Variants in SOBP observed in about 807,000 individuals in gnomAD.
SOBP encodes sine oculis-binding protein homolog.
Under a neutral mutation model 53.6 loss-of-function variants are expected in SOBP, and 4 were observed. The observed-to-expected ratio is 0.07, with a 90% confidence interval of 0.04 to 0.17. SOBP has a LOEUF of 0.17. Among genes scored for constraint, SOBP ranks in the 10% least tolerant of loss-of-function variants. The pLI is 1.00. For synonymous variants in SOBP, 584 were observed against 522.6 expected (o/e 1.12, Z -1.60); for missense variants, 1,088 against 1,204.7 (o/e 0.90, Z 1.43).
intron 4 of SOBP, among the ~76,000 whole-genome samples, chr6:107,568,722 G>A (rs1016985866): frequency 6.6e-6 from 1 of 152,178 alleles, no homozygotes; most frequent in Non-Finnish European, 1.5e-5. Flanking sequence ...CTCTAACCCT[G>A]TATCTTATGA....
At position 107,503,885 on chromosome 6, in the gene SOBP, T is replaced by A. The variant is rs1782908389; in HGVS notation, c.235+90T>A. The stretch of plus-strand genomic sequence containing the variant: ...TGAGTTGCTTTGGGACTCAATTGAG[T>A]TGCTTTGTTGATTATGCCAATGGTT... On this transcript the variant is annotated intron_variant, in intron 2 of 6. Transcript: ENST00000317357. 3.4e-6 allele frequency: 5 copies of A among 1,475,422 alleles called. No individual in the cohort carries two copies. The East Asian group carries it at 1.1e-4, about 33-fold the overall frequency. 91.4% of individuals were successfully genotyped at this position (1,475,422 alleles called of 1,614,324 possible).
chr6:107,585,060 A>G (rs185651900), intron 4 of SOBP, among the ~76,000 whole-genome samples: 197 of 152,350 alleles, frequency 1.3e-3, no homozygotes, highest in African/African-American at 4.5e-3. Context: ...TATATATCAT[A>G]GTGCATCAGG....
chr6:107,606,666 G>A (rs1021368136), intron 5 of SOBP, among the ~76,000 whole-genome samples: 1 of 152,174 alleles, frequency 6.6e-6, no homozygotes, highest in African/African-American at 2.4e-5. Context: ...AAGGAAAAGA[G>A]GGGGTTCCTA....
At chr6:107,624,649 A>G (rs1770376334) in intron 5 of SOBP, among the ~76,000 whole-genome samples, 1 of 152,194 alleles carries the variant, frequency 6.6e-6, no homozygotes, top group South Asian at 2.1e-4. Flanking sequence ...AACCCTCTTT[A>G]GCAAGCCACC....
At chr6:107,583,659 A>G (rs1583237588) in intron 4 of SOBP, among the ~76,000 whole-genome samples, 1 of 152,136 alleles carries the variant, frequency 6.6e-6, no homozygotes, top group Non-Finnish European at 1.5e-5. Context: ...CCAAGTAGCT[A>G]GGACTACAGG....
chr6:107,606,070 C>CTT (rs11298151), intron 5 of SOBP, among the ~76,000 whole-genome samples: 24 of 62,858 alleles, frequency 3.8e-4, no homozygotes, highest in African/African-American at 1.1e-3. Flanking sequence ...AGATAGGCTC[C>CTT]TTTTTTTTTT....
chr6:107,496,124 CTT>C (rs1782693675), intron 1 of SOBP, among the ~76,000 whole-genome samples: 1 of 152,158 alleles, frequency 6.6e-6, no homozygotes, highest in Non-Finnish European at 1.5e-5. Context: ...GTTAATATCT[CTT>C]ATATAACCAA....
rs1770806274 is a variant in SOBP, at chr6:107,633,438, T to C, written c.670-76T>C. 2.5e-6 allele frequency: 4 copies of C among 1,579,388 alleles called. No homozygotes were observed. In the Admixed American group the frequency reaches 5.0e-5, roughly 20 times the overall value. ...CTGGTAAAGTTTAAAAGAACCTTTA[T>C]GTGAAACACGAAACGTCATCTACCC... On this transcript the variant is annotated intron_variant, in intron 5 of 6. Coordinates refer to ENST00000317357, the MANE Select transcript of SOBP (RefSeq NM_018013.4).
intron 4 of SOBP, among the ~76,000 whole-genome samples, chr6:107,574,228 C>T (rs1785160390): frequency 6.6e-6 from 1 of 152,144 alleles, no homozygotes; most frequent in Admixed American, 6.5e-5. Flanking sequence ...TACTAGGATA[C>T]TTGACTGCAT....
At chr6:107,538,751 G>T (rs1784073186) in intron 4 of SOBP, among the ~76,000 whole-genome samples, 1 of 152,130 alleles carries the variant, frequency 6.6e-6, no homozygotes, top group Non-Finnish European at 1.5e-5. Flanking sequence ...AGAAAGCTCT[G>T]GGGAAAAGAA....
intron 3 of SOBP, among the ~76,000 whole-genome samples, chr6:107,525,222 A>C (rs1783628267): frequency 6.6e-6 from 1 of 152,234 alleles, no homozygotes. Context: ...CAGACTCCAC[A>C]GTGAACACTG....
At chr6:107,623,077 G>T (rs965912837) in intron 5 of SOBP, among the ~76,000 whole-genome samples, 1 of 152,148 alleles carries the variant, frequency 6.6e-6, no homozygotes, top group Non-Finnish European at 1.5e-5. Context: ...CTTGGAATAC[G>T]TGATAGCAGA....
At chr6:107,574,436 AGCCT>A (rs1335009722) in intron 4 of SOBP, among the ~76,000 whole-genome samples, 2 of 152,136 alleles carry the variant, frequency 1.3e-5, no homozygotes, top group Admixed American at 1.3e-4. Flanking sequence ...TTTGTCTAGG[AGCCT>A]GAGAAAAGAT....
rs558126861 is a variant in SOBP, at chr6:107,490,366, C to G, written c.-251C>G. The G allele has an allele frequency of 1.1e-5, 2 of 175,092 alleles. No individual in the cohort carries two copies. The highest frequency in any genetic ancestry group is 4.8e-5 in the African/African-American group (2 of 41,578). The allele number at this position is 175,092 out of a possible 1,614,324, so 10.8% of individuals were successfully genotyped here. On this transcript the variant is annotated 5_prime_UTR_variant, in exon 1 of 7. Coordinates refer to ENST00000317357, the MANE Select transcript of SOBP (RefSeq NM_018013.4). Reference sequence around the variant, plus strand: ...GCGGCGGCAGCAGGAGCCGGAGCGACGGCGGCGGCATCCCCGAGACTCTCC... The same window carrying G: ...GCGGCGGCAGCAGGAGCCGGAGCGAGGGCGGCGGCATCCCCGAGACTCTCC...
chr6:107,588,939 G>C (rs1785657942), intron 5 of SOBP, among the ~76,000 whole-genome samples: 1 of 152,116 alleles, frequency 6.6e-6, no homozygotes, highest in Non-Finnish European at 1.5e-5. Flanking sequence ...ACATAAGTAA[G>C]CTTATTTCTC....
intron 5 of SOBP, among the ~76,000 whole-genome samples, chr6:107,626,114 A>C (rs1490350597): frequency 1.3e-5 from 2 of 152,258 alleles, no homozygotes; most frequent in Admixed American, 6.5e-5. Flanking sequence ...AGGTAAATAC[A>C]TATCTGAAAA....
chr6:107,578,659 A>G (rs1045383847), intron 4 of SOBP, among the ~76,000 whole-genome samples: 1 of 152,212 alleles, frequency 6.6e-6, no homozygotes, highest in Admixed American at 6.5e-5. Context: ...TGATACATAT[A>G]AAGCACTTAG....
At chr6:107,601,253 C>T (rs993876048) in intron 5 of SOBP, among the ~76,000 whole-genome samples, 2 of 152,180 alleles carry the variant, frequency 1.3e-5, no homozygotes, top group Non-Finnish European at 2.9e-5. Flanking sequence ...CACCTATGGG[C>T]TCTGACAGCT....
intron 3 of SOBP, among the ~76,000 whole-genome samples, chr6:107,520,052 GA>G (rs1783435779): frequency 1.3e-5 from 2 of 152,130 alleles, no homozygotes; most frequent in Admixed American, 1.3e-4. Context: ...TACAATGAAA[GA>G]GTAAAAAGGG....
Sources: allele counts gnomAD v4.1 joint callset (sites outside exome capture counted in the v4.1 genomes callset), GRCh38; gene constraint gnomAD v4.1.1; transcripts MANE v1.5; gene names NCBI Gene and HGNC (gene_info 2026-07-23, HGNC 2026-07-21).